Variants in HHLA1 observed in about 807,000 individuals in gnomAD.
The protein encoded by HHLA1 is HHLA1 neighbor of OC90.
In HHLA1, 72 loss-of-function variants were observed where a neutral mutation model predicts 69.9. The ratio of observed to expected loss-of-function variants is 1.03; its 90% CI spans 0.85 to 1.25. HHLA1 has a LOEUF of 1.25. HHLA1 is among the 50% of genes most tolerant of loss of function. The pLI, the probability that HHLA1 is intolerant of heterozygous loss-of-function variation, is 0.00. For synonymous variants in HHLA1, 252 were observed against 233.2 expected, an observed-to-expected ratio of 1.08 and a Z score of -0.73; for missense variants, 685 against 642.2, an observed-to-expected ratio of 1.07 and a Z score of -0.72.
intron 3 of HHLA1, among the ~76,000 whole-genome samples, chr8:132,102,673 G>T (rs920720338): frequency 6.6e-6 from 1 of 152,086 alleles, no homozygotes; most frequent in African/African-American, 2.4e-5. Flanking sequence ...GAGGGACCAG[G>T]ATTATGTCAG....
chr8:132,081,069 C>T (rs1308350127), intron 10 of HHLA1: 2 of 152,092 alleles, frequency 1.3e-5, no homozygotes, highest in Non-Finnish European at 2.9e-5. Flanking sequence ...ATAGTCCTGC[C>T]AGCAAAGATT....
intron 7 of HHLA1, 46 bp downstream of exon 7, chr8:132,095,473 A>T: frequency 7.6e-7 from 1 of 1,317,740 alleles, no homozygotes; most frequent in South Asian, 1.3e-5. Context: ...AAAAGGACAC[A>T]AGCAAAATTG....
intron 1 of HHLA1, among the ~76,000 whole-genome samples, chr8:132,108,254 A>C (rs1356520935): frequency 1.3e-5 from 2 of 152,204 alleles, no homozygotes; most frequent in African/African-American, 2.4e-5. Context: ...GTGCTATATA[A>C]ATGTATAACA....
At chr8:132,103,067 C>T (rs1824137811) in intron 3 of HHLA1, among the ~76,000 whole-genome samples, 2 of 152,040 alleles carry the variant, frequency 1.3e-5, no homozygotes, top group South Asian at 4.1e-4. Flanking sequence ...CTTCTTAATG[C>T]TTAGTATTTT....
chr8:132,090,379 T>C (rs1419008721), intron 7 of HHLA1, among the ~76,000 whole-genome samples: 1 of 152,152 alleles, frequency 6.6e-6, no homozygotes, highest in East Asian at 1.9e-4. Flanking sequence ...GGCGAATGTG[T>C]TTGAGGAGCC....
chr8:132,083,476 C>T (rs918004664), intron 10 of HHLA1, among the ~76,000 whole-genome samples: 26 of 151,974 alleles, frequency 1.7e-4, no homozygotes, highest in Non-Finnish European at 2.9e-4. Flanking sequence ...AGGGGGCTTC[C>T]GAGGCAATCG....
intron 3 of HHLA1, among the ~76,000 whole-genome samples, chr8:132,101,749 T>A (rs2099271): frequency 0.6 from 90,711 of 151,674 alleles, 27,239 homozygotes; most frequent in Admixed American, 0.63. Context: ...ATTATTTGTA[T>A]TTTTAGTAGA....
intron 10 of HHLA1, among the ~76,000 whole-genome samples, chr8:132,084,710 G>A (rs1189872406): frequency 1.3e-5 from 2 of 150,768 alleles, no homozygotes; most frequent in Admixed American, 6.7e-5. Flanking sequence ...GAAGGTGGAA[G>A]CTTACCCATA....
In HHLA1 at chr8:132,075,803, T is replaced by C. The variant is rs571267985; in HGVS notation, c.1315+252A>G. 3.3e-5 allele frequency among the ~76,000 whole-genome samples: 5 copies of C among 152,312 alleles called. No homozygotes were observed. The South Asian group carries it at 6.2e-4, about 19-fold the overall frequency. On this transcript the variant is annotated intron_variant, in intron 14 of 16. Coordinates refer to ENST00000414222, the MANE Select transcript of HHLA1 (RefSeq NM_001145095.3). ...ACATTATCTTACTTAATACAAAACC[T>C]TGTGGGAAAGATAAAAAAACAGGCA...
At chr8:132,109,084 T>A (rs1004142979) in intron 1 of HHLA1, among the ~76,000 whole-genome samples, 2 of 152,242 alleles carry the variant, frequency 1.3e-5, no homozygotes, top group African/African-American at 4.8e-5. Context: ...CTCGGCATAC[T>A]GCAACCTCCG....
Position 132,063,140 on chromosome 8 carries a change from AG to A in HHLA1, c.*854del, listed in dbSNP as rs1823380896. 1 of 152,266 alleles carries A rather than the reference AG, an allele frequency of 6.6e-6. No individual in the cohort carries two copies. Among genetic ancestry groups the A allele is most frequent in the Non-Finnish European group, 1.5e-5 (1 of 68,066 alleles). 9.4% of individuals were successfully genotyped at this position (152,266 alleles called of 1,614,324 possible). A position where few individuals can be genotyped will look rare whatever the true frequency, so the allele number is the denominator to read the frequency against. ...GTTAAACATTATTTCTGGGAGGATT[AG>A]ATGCTGACTGTGCAACCCCACTGGA... On this transcript the variant is annotated 3_prime_UTR_variant, in exon 17 of 17. Coordinates refer to ENST00000414222, the MANE Select transcript of HHLA1 (RefSeq NM_001145095.3).
chr8:132,084,781 T>C (rs552842858), intron 10 of HHLA1, among the ~76,000 whole-genome samples: 1 of 150,814 alleles, frequency 6.6e-6, no homozygotes, highest in African/African-American at 2.4e-5. Flanking sequence ...GGGTGGTGGT[T>C]CTTGCCCTCC....
At chr8:132,075,220 G>C (rs1018834302) in intron 14 of HHLA1, among the ~76,000 whole-genome samples, 1 of 152,208 alleles carries the variant, frequency 6.6e-6, no homozygotes, top group Non-Finnish European at 1.5e-5. Flanking sequence ...TGAAAAAGGA[G>C]ACGGGGCAGG....
chr8:132,066,849 G>T (rs1223549423), intron 15 of HHLA1, among the ~76,000 whole-genome samples: 1 of 152,198 alleles, frequency 6.6e-6, no homozygotes, highest in Admixed American at 6.5e-5. Flanking sequence ...ATTTCTGGTG[G>T]TAGTATTGGA....
At chr8:132,078,038 T>A in intron 11 of HHLA1, 67 bp from the exon 12 acceptor site, 5 of 1,512,676 alleles carry the variant, frequency 3.3e-6, no homozygotes, top group Non-Finnish European at 4.5e-6. Context: ...GACATGAAAT[T>A]GCTGAGACAT....
chr8:132,093,474 C>T (rs1292097671), intron 7 of HHLA1, among the ~76,000 whole-genome samples: 1 of 152,148 alleles, frequency 6.6e-6, no homozygotes, highest in Non-Finnish European at 1.5e-5. Flanking sequence ...TAAAGATCAT[C>T]CACAAAGTCA....
intron 2 of HHLA1, among the ~76,000 whole-genome samples, chr8:132,104,945 G>A (rs1824179195): frequency 6.6e-6 from 1 of 152,194 alleles, no homozygotes; most frequent in South Asian, 2.1e-4. Flanking sequence ...GTCTGGGAAA[G>A]GGAAAATAAT....
chr8:132,100,062 G>T lies in HHLA1; in HGVS notation c.199+13C>A. 1 of 1,549,984 alleles carries T rather than the reference G, an allele frequency of 6.5e-7. No individual in the cohort carries two copies. Among genetic ancestry groups the T allele is most frequent in the South Asian group, 1.2e-5 (1 of 84,028 alleles). On this transcript the variant is annotated intron_variant, in intron 4 of 16. Transcript: ENST00000414222. Reference sequence around the variant, plus strand: ...CCCAGACAACCCAAGGGATTTGGGGGAGCGGCACTCACCCGTCGTAGCAAG... The same window carrying T: ...CCCAGACAACCCAAGGGATTTGGGGTAGCGGCACTCACCCGTCGTAGCAAG...
chr8:132,093,916 T>C (rs574787916), intron 7 of HHLA1, among the ~76,000 whole-genome samples: 19 of 152,300 alleles, frequency 1.2e-4, no homozygotes, highest in African/African-American at 3.9e-4. Context: ...TAAGCACTCA[T>C]TGTAGCATCT....
Sources: gnomAD v4.1 joint callset for allele counts (sites outside exome capture counted in the v4.1 genomes callset) on GRCh38, gnomAD v4.1.1 for gene constraint, MANE v1.5 for transcripts, NCBI Gene and HGNC (gene_info 2026-07-23, HGNC 2026-07-21) for gene names.